Variants in HSD11B2 observed in about 807,000 individuals in gnomAD.
The protein encoded by HSD11B2 is hydroxysteroid 11-beta dehydrogenase 2, also known as 11-beta-hydroxysteroid dehydrogenase type 2.
A neutral mutation model predicts 20.9 loss-of-function variants in HSD11B2; 17 were observed. The ratio of observed to expected loss-of-function variants is 0.81; its 90% CI spans 0.56 to 1.22. The LOEUF is 1.22. Among genes scored for constraint, HSD11B2 ranks in the 50% most tolerant of loss-of-function variants. The pLI is 0.00. For missense variants in HSD11B2, 480 were observed against 563.6 expected (o/e 0.85, Z 1.50); for synonymous variants, 253 against 255.4 (o/e 0.99, Z 0.09).
At chr16:67,433,886 T>C (rs1036428542) in intron 1 of HSD11B2, among the ~76,000 whole-genome samples, 13 of 150,816 alleles carry the variant, frequency 8.6e-5, no homozygotes, top group Middle Eastern at 3.4e-3. Context: ...CAGAGCTGCT[T>C]TGCAGCTTCT....
At chr16:67,435,264 A>C (rs1037343011) in intron 1 of HSD11B2, among the ~76,000 whole-genome samples, 9 of 151,530 alleles carry the variant, frequency 5.9e-5, no homozygotes, top group African/African-American at 2.2e-4. Context: ...TGTGCCTGTG[A>C]GCTGTGGCCT....
In HSD11B2 at chr16:67,437,253, G is replaced by A; in HGVS notation, c.*250G>A. The stretch of plus-strand genomic sequence containing the variant: ...CCCTCCTGGCACAACGCTCTACCCT[G>A]CAGCTTGGAGAACTCCGCTGGATGG... On this transcript the variant is annotated 3_prime_UTR_variant, in exon 5 of 5. Coordinates refer to ENST00000326152, the MANE Select transcript of HSD11B2 (RefSeq NM_000196.4). The A allele has an allele frequency of 1.7e-6, 1 of 585,008 alleles. No individual in the cohort carries two copies. Among genetic ancestry groups the A allele is most frequent in the Non-Finnish European group, 3.1e-6 (1 of 327,860 alleles). The allele number at this position is 585,008 out of a possible 1,614,324, so 36.2% of individuals were successfully genotyped here.
rs17853703 is a variant in HSD11B2, at chr16:67,436,960, A to C, written c.1175A>C (p.Asp392Ala). The C allele has an allele frequency of 1.2e-6, 2 of 1,611,290 alleles. No individual in the cohort carries two copies. The highest frequency in any genetic ancestry group is 2.2e-5 in the South Asian group (2 of 91,072). Residue 392 changes from aspartate to alanine, a missense_variant, in exon 5 of 5, where the codon GAC becomes GCC. Transcript: ENST00000326152. This position sits in a 1 kb window ranked among gnomAD's most constrained non-coding sequence, Gnocchi z 5.7. ...GTTPPQDAAQ[D>A]PNLSPGPSPA... is the part of the protein sequence containing the mutation. ...ACCCCACCACAGGACGCAGCCCAGG[A>C]CCCAAACCTGAGCCCCGGCCCTTCC...
chr16:67,436,959 G>T lies in HSD11B2; in HGVS notation c.1174G>T (p.Asp392Tyr), dbSNP rs1424674309. The T allele has an allele frequency of 1.2e-6, 2 of 1,611,372 alleles. No individual in the cohort carries two copies. The highest frequency in any genetic ancestry group is 8.5e-7 in the Non-Finnish European group (1 of 1,179,996). The change falls in exon 5 of 5, where the codon GAC becomes TAC. Residue 392 changes from aspartate (D) to tyrosine (Y), a missense_variant. By Grantham distance (160) the Asp-to-Tyr change is radical (BLOSUM62 -3). Coordinates refer to ENST00000326152, the MANE Select transcript of HSD11B2 (RefSeq NM_000196.4). This position sits in a 1 kb window ranked among gnomAD's most constrained non-coding sequence, Gnocchi z 5.7. ...TACCCCACCACAGGACGCAGCCCAG[G>T]ACCCAAACCTGAGCCCCGGCCCTTC... Reference protein sequence around the residue: ...GTTPPQDAAQDPNLSPGPSPA... With the variant: ...GTTPPQDAAQYPNLSPGPSPA...
At chr16:67,432,262 G>T (rs1275907997) in intron 1 of HSD11B2, among the ~76,000 whole-genome samples, 1 of 151,550 alleles carries the variant, frequency 6.6e-6, no homozygotes, top group Non-Finnish European at 1.5e-5. Context: ...AAGGGGAAGG[G>T]GGGGGGGGGC....
chr16:67,436,159 A>AC lies in HSD11B2; in HGVS notation c.664+18dup. 1.2e-6 allele frequency: 2 copies of AC among 1,612,518 alleles called. No homozygotes were observed. Among genetic ancestry groups the AC allele is most frequent in the Non-Finnish European group, 1.7e-6 (2 of 1,179,572 alleles). On this transcript the variant is annotated intron_variant, in intron 3 of 4. Coordinates refer to ENST00000326152, the MANE Select transcript of HSD11B2 (RefSeq NM_000196.4). The surrounding 1 kb of genome is among the most constrained non-coding windows in gnomAD (Gnocchi z 5.7). ...GCCCAGCGGGTGAGTGCCCCCCCCC[A>AC]CTGGAGCAAAAAGGAGCCCCCTGGG... is the stretch of plus-strand genomic sequence containing the variant.
chr16:67,431,548 G>A (rs753378107), intron 1 of HSD11B2, 35 bp downstream of exon 1: 2 of 1,329,092 alleles, frequency 1.5e-6, no homozygotes, highest in Non-Finnish European at 1.9e-6. Context: ...GGGGACTCCA[G>A]GCTCGAGGGC....
chr16:67,433,126 A>G (rs1377130151), intron 1 of HSD11B2: 1 of 152,084 alleles, frequency 6.6e-6, no homozygotes, highest in Non-Finnish European at 1.5e-5. Flanking sequence ...GGCTCCTCCA[A>G]TCTCTGGTTG....
intron 1 of HSD11B2, among the ~76,000 whole-genome samples, chr16:67,431,929 C>T (rs1338734377): frequency 1.3e-5 from 2 of 152,202 alleles, no homozygotes; most frequent in African/African-American, 4.8e-5. Context: ...ACCCATCTCC[C>T]ATTCCTCGGG....
chr16:67,436,268 C>T lies in HSD11B2; in HGVS notation c.684C>T (p.Cys228=). The T allele has an allele frequency of 6.2e-7, 1 of 1,614,112 alleles. No homozygotes were observed. The highest frequency in any genetic ancestry group is 1.1e-5 in the South Asian group (1 of 91,088). The change falls in exon 4 of 5, where the codon TGC becomes TGT. Residue 228 remains cysteine (C), a synonymous_variant. Coordinates refer to ENST00000326152, the MANE Select transcript of HSD11B2 (RefSeq NM_000196.4). This position sits in a 1 kb window ranked among gnomAD's most constrained non-coding sequence, Gnocchi z 5.7. The part of the protein sequence containing the change: ...GSPAGDMPYP[C]LGAYGTSKAA... Reference sequence around the variant, plus strand: ...CCGCAGGGGACATGCCATATCCGTGCTTGGGGGCCTATGGAACCTCCAAAG... The same window carrying T: ...CCGCAGGGGACATGCCATATCCGTGTTTGGGGGCCTATGGAACCTCCAAAG...
At chr16:67,431,118 A>C, upstream of HSD11B2, 5 of 257,858 alleles carry the variant, frequency 1.9e-5, no homozygotes, top group Non-Finnish European at 2.9e-5. Context: ...GAGGGCGAGC[A>C]GAGAAAGCGA....
Position 67,436,063 on chromosome 16 carries a change from C to G in HSD11B2, c.585C>G (p.Gly195=). The G allele has an allele frequency of 6.2e-7, 1 of 1,614,210 alleles. No individual in the cohort carries two copies. Among genetic ancestry groups the G allele is most frequent in the Non-Finnish European group, 8.5e-7 (1 of 1,180,044 alleles). Residue 195 remains glycine, a synonymous_variant, in exon 3 of 5, where the codon GGC becomes GGG. Coordinates refer to ENST00000326152, the MANE Select transcript of HSD11B2 (RefSeq NM_000196.4). This position sits in a 1 kb window ranked among gnomAD's most constrained non-coding sequence, Gnocchi z 5.7. Reference sequence around the variant, plus strand: ...GCTGCATGGAGGTGAATTTCTTTGGCGCGCTCGAGCTGACCAAGGGCCTCC... The same window carrying G: ...GCTGCATGGAGGTGAATTTCTTTGGGGCGCTCGAGCTGACCAAGGGCCTCC... ...FRSCMEVNFF[G]ALELTKGLLP... is the part of the protein sequence containing the mutation.
Position 67,437,016 on chromosome 16 carries a change from T to C in HSD11B2, c.*13T>C. ...AGTGGCTCGGTGAGCCATGTGCACC[T>C]ATGGCCCAGCCACTGCAGCACAGGA... is the stretch of plus-strand genomic sequence containing the variant. On this transcript the variant is annotated 3_prime_UTR_variant, in exon 5 of 5. Coordinates refer to ENST00000326152, the MANE Select transcript of HSD11B2 (RefSeq NM_000196.4). The C allele has an allele frequency of 6.2e-7, 1 of 1,604,842 alleles. No homozygotes were observed.
At position 67,431,599 on chromosome 16, in the gene HSD11B2, G is replaced by A. The variant is rs1384464885; in HGVS notation, c.265+86G>A. 3 of 1,169,754 alleles carry A rather than the reference G, an allele frequency of 2.6e-6. No individual in the cohort carries two copies. The Admixed American group carries it at 1.3e-4, about 52-fold the overall frequency. The allele number at this position is 1,169,754 out of a possible 1,614,324, so 72.5% of individuals were successfully genotyped here. ...ACAGGACTGACTCCCCATGGGCACA[G>A]CCAAGGCGGGCTCCTCAGCGCAAGA... On this transcript the variant is annotated intron_variant, in intron 1 of 4. Coordinates refer to ENST00000326152, the MANE Select transcript of HSD11B2 (RefSeq NM_000196.4).
rs1305905886 is a variant in HSD11B2, at chr16:67,431,384, T to G, written c.136T>G (p.Trp46Gly). Reference sequence around the variant, plus strand: ...GCTGGCGCTGCTGGCCGCGCTCGACTGGCTGTGCCAGCGCCTGCTGCCCCC... The same window carrying G: ...GCTGGCGCTGCTGGCCGCGCTCGACGGGCTGTGCCAGCGCCTGCTGCCCCC... ...AALALLAALD[W>G]LCQRLLPPPA... Residue 46 changes from tryptophan to glycine, a missense_variant, in exon 1 of 5, where the codon TGG (tryptophan) becomes GGG (glycine). Transcript: ENST00000326152. 1.2e-5 allele frequency: 15 copies of G among 1,262,060 alleles called. No homozygotes were observed. The highest frequency in any genetic ancestry group is 1.4e-5 in the Non-Finnish European group (14 of 999,300). 78.2% of individuals were successfully genotyped at this position (1,262,060 alleles called of 1,614,324 possible).
In HSD11B2 at chr16:67,436,319, A is replaced by AT. The variant is rs1179497123; in HGVS notation, c.737dup (p.Ser247GlnfsTer3). On this transcript the variant is annotated frameshift_variant, in exon 4 of 5. Transcript: ENST00000326152. LOFTEE classifies it high-confidence loss of function. The surrounding 1 kb of genome is among the most constrained non-coding windows in gnomAD (Gnocchi z 5.7). ...CGGCCGTGGCGCTACTCATGGACAC[A>AT]TTCAGCTGTGAACTCCTTCCCTGGG... The AT allele has an allele frequency of 1.3e-6, 2 of 1,580,238 alleles. No individual in the cohort carries two copies. Among genetic ancestry groups the AT allele is most frequent in the Non-Finnish European group, 1.7e-6 (2 of 1,163,602 alleles).
In HSD11B2 at chr16:67,436,201, G is replaced by T; in HGVS notation, c.665-48G>T. 1 of 1,613,968 alleles carries T rather than the reference G, an allele frequency of 6.2e-7. No individual in the cohort carries two copies. On this transcript the variant is annotated intron_variant, in intron 3 of 4. Transcript: ENST00000326152. This position sits in a 1 kb window ranked among gnomAD's most constrained non-coding sequence, Gnocchi z 5.7. ...CCCCCTGGGGTGGGGGAGGGCTTAG[G>T]GAGCCCCTTGCCAAAGCTGAGCTGC...
chr16:67,436,401 TG>T lies in HSD11B2; in HGVS notation c.802+20del. 3 of 173,190 alleles carry T rather than the reference TG, an allele frequency of 1.7e-5. No individual in the cohort carries two copies. Among genetic ancestry groups the T allele is most frequent in the Non-Finnish European group, 3.1e-5 (3 of 96,414 alleles). 10.7% of individuals were successfully genotyped at this position (173,190 alleles called of 1,614,324 possible). On this transcript the variant is annotated intron_variant, in intron 4 of 4. Transcript: ENST00000326152. This position sits in a 1 kb window ranked among gnomAD's most constrained non-coding sequence, Gnocchi z 5.7. ...CTTCAAGACAGGTGGGAATCAGGGC[TG>T]GGGGTGGGGTGGGGGTGGGGAATGG...
At chr16:67,433,459 G>A (rs2040946930) in intron 1 of HSD11B2, among the ~76,000 whole-genome samples, 1 of 152,048 alleles carries the variant, frequency 6.6e-6, no homozygotes, top group African/African-American at 2.4e-5. Flanking sequence ...GCCAATGGGT[G>A]GTAGGGATTG....
Sources: gnomAD v4.1 joint callset for allele counts (sites outside exome capture counted in the v4.1 genomes callset) on GRCh38, gnomAD v4.1.1 for gene constraint, Gnocchi (gnomAD v3.1) non-coding constraint, MANE v1.5 for transcripts, NCBI Gene and HGNC (gene_info 2026-07-23, HGNC 2026-07-21) for gene names.